CHLSN: variants seen among roughly 807,000 people sequenced by gnomAD.
The protein encoded by CHLSN is cholesin, also known as protein cholesin.
At chr7:1,054,311 CATT>C in the CHLSN span, among the ~76,000 whole-genome samples, 2 of 152,260 alleles carry the variant, frequency 1.3e-5, no homozygotes, top group South Asian at 2.1e-4. Flanking sequence ...CCATCCTCAT[CATT>C]GATACCTGGT....
chr7:1,028,577 G>A, the CHLSN span: 1 of 985,024 alleles, frequency 1.0e-6, no homozygotes, highest in Non-Finnish European at 1.2e-6. Flanking sequence ...GTCCACCTGC[G>A]CGAACTGCGG....
the CHLSN span, chr7:1,080,911 A>C: frequency 6.6e-6 from 1 of 152,378 alleles, no homozygotes; most frequent in Non-Finnish European, 1.5e-5. Context: ...CTCTGCATGA[A>C]CTGCCTTTGC....
At chr7:980,389 C>G in the CHLSN span, among the ~76,000 whole-genome samples, 2 of 152,248 alleles carry the variant, frequency 1.3e-5, no homozygotes, top group African/African-American at 2.4e-5. Flanking sequence ...ACTTGAGCAG[C>G]CAGGCTGCAG....
the CHLSN span, among the ~76,000 whole-genome samples, chr7:1,033,745 G>T: frequency 3.5e-4 from 53 of 152,114 alleles, no homozygotes; most frequent in Non-Finnish European, 5.9e-4. Context: ...CAGGAAATCG[G>T]TAACGGGGGT....
chr7:983,479 G>C, the CHLSN span: 1 of 1,248,460 alleles, frequency 8.0e-7, no homozygotes, highest in African/African-American at 1.6e-5. Flanking sequence ...TCCACTGCCT[G>C]TTCCCACATG....
At chr7:1,049,149 G>A in the CHLSN span, among the ~76,000 whole-genome samples, 1 of 152,196 alleles carries the variant, frequency 6.6e-6, no homozygotes, top group East Asian at 1.9e-4. Flanking sequence ...ACGTTGGCCA[G>A]CAGTGTGGGG....
chr7:1,093,182 A>C, the CHLSN span: 2 of 553,606 alleles, frequency 3.6e-6, no homozygotes, highest in Non-Finnish European at 7.1e-6. Context: ...CCGCTGCAGG[A>C]AACATTTCTG....
chr7:1,005,924 G>A, the CHLSN span, among the ~76,000 whole-genome samples: 1 of 152,260 alleles, frequency 6.6e-6, no homozygotes, highest in Non-Finnish European at 1.5e-5. Flanking sequence ...GCTAAAGCCT[G>A]CAGGGACCAG....
chr7:1,077,123 T>C, the CHLSN span, among the ~76,000 whole-genome samples: 4 of 152,244 alleles, frequency 2.6e-5, no homozygotes, highest in Non-Finnish European at 5.9e-5. Context: ...CACTTTTCCC[T>C]GGTATTCTTG....
the CHLSN span, among the ~76,000 whole-genome samples, chr7:1,002,746 G>T: frequency 9.4e-6 from 1 of 106,916 alleles, no homozygotes; most frequent in Non-Finnish European, 1.9e-5. Flanking sequence ...CCTGTGGGTG[G>T]GGAGTCCTGT....
chr7:1,080,387 C>T, the CHLSN span, among the ~76,000 whole-genome samples: 16 of 152,338 alleles, frequency 1.1e-4, no homozygotes, highest in Non-Finnish European at 1.6e-4. Flanking sequence ...GTGTGCACGA[C>T]GTGACACACC....
chr7:1,126,380 AAAAG>A, the CHLSN span, among the ~76,000 whole-genome samples: 1 of 145,166 alleles, frequency 6.9e-6, no homozygotes, highest in Non-Finnish European at 1.5e-5. Flanking sequence ...AAAAAAAAAA[AAAAG>A]AATAAAAATG....
the CHLSN span, chr7:986,514 C>T: frequency 1.5e-6 from 2 of 1,295,692 alleles, no homozygotes; most frequent in Non-Finnish European, 2.2e-6. Flanking sequence ...TCCAGCACAT[C>T]CACCCAGAGT....
chr7:1,064,592 A>C, the CHLSN span, among the ~76,000 whole-genome samples: 1 of 152,206 alleles, frequency 6.6e-6, no homozygotes, highest in African/African-American at 2.4e-5. Context: ...ACCGAAGCTC[A>C]AAGCTCAAGT....
chr7:1,123,821 G>A, the CHLSN span, among the ~76,000 whole-genome samples: 23 of 152,004 alleles, frequency 1.5e-4, no homozygotes, highest in African/African-American at 4.8e-4. This position sits in a 1 kb window ranked among gnomAD's most constrained non-coding sequence, Gnocchi z 4.4. Flanking sequence ...AGCTCCCTCC[G>A]CCAGCTCCCT....
the CHLSN span, among the ~76,000 whole-genome samples, chr7:1,054,705 C>T: frequency 3.3e-5 from 5 of 152,216 alleles, no homozygotes; most frequent in Non-Finnish European, 7.3e-5. Context: ...AGGCTGGCCC[C>T]ACGCGGTTCC....
At chr7:1,011,588 C>T in the CHLSN span, among the ~76,000 whole-genome samples, 1 of 149,272 alleles carries the variant, frequency 6.7e-6, no homozygotes, top group Non-Finnish European at 1.5e-5. Flanking sequence ...CACACACCAT[C>T]CCAACATACC....
At chr7:1,055,332 C>T in the CHLSN span, 145 of 471,152 alleles carry the variant, frequency 3.1e-4, no homozygotes, top group Non-Finnish European at 5.8e-4. Flanking sequence ...GGCGGCCAGG[C>T]GCGCTGCTGA....
chr7:1,077,344 A>G, the CHLSN span, among the ~76,000 whole-genome samples: 2 of 152,138 alleles, frequency 1.3e-5, no homozygotes, highest in Non-Finnish European at 1.5e-5. Context: ...TTTAGCAGAG[A>G]TGGGGTTTCA....
Sources: gnomAD v4.1 joint callset for allele counts (sites outside exome capture counted in the v4.1 genomes callset) on GRCh38, gnomAD v4.1.1 for gene constraint, Gnocchi (gnomAD v3.1) non-coding constraint, MANE v1.5 for transcripts, NCBI Gene and HGNC (gene_info 2026-07-23, HGNC 2026-07-21) for gene names.